Variants in CENPW observed in about 807,000 individuals in gnomAD.
CENPW encodes cancer-up-regulated gene 2 protein.
In CENPW, 3 loss-of-function variants were observed where a neutral mutation model predicts 11.1. The ratio of observed to expected loss-of-function variants is 0.27; its 90% CI spans 0.12 to 0.70. The LOEUF (loss-of-function observed/expected upper bound fraction) is 0.70, where lower values mean the gene tolerates loss of function less well. Among genes scored for constraint, CENPW ranks in the 30% least tolerant of loss-of-function variants. CENPW has a pLI of 0.77. For synonymous variants in CENPW, 38 were observed against 42.0 expected (o/e 0.91, Z 0.37); for missense variants, 100 against 105.6 (o/e 0.95, Z 0.23).
chr6:126,357,445 A>G, the CENPW span, among the ~76,000 whole-genome samples: 1 of 151,908 alleles, frequency 6.6e-6, no homozygotes, highest in African/African-American at 2.4e-5. Flanking sequence ...TTTTTTTCTA[A>G]TTCTGTGAAA....
the CENPW span, among the ~76,000 whole-genome samples, chr6:126,396,897 T>A: frequency 1.3e-5 from 2 of 151,976 alleles, no homozygotes; most frequent in South Asian, 4.1e-4. Flanking sequence ...TCTGGTCCCC[T>A]ATTATATTGT....
At chr6:126,403,102 A>G in the CENPW span, among the ~76,000 whole-genome samples, 1 of 152,122 alleles carries the variant, frequency 6.6e-6, no homozygotes, top group African/African-American at 2.4e-5. Context: ...CCCATACAAG[A>G]TGACAAATTT....
chr6:126,482,250 A>C, the CENPW span, among the ~76,000 whole-genome samples: 3 of 152,196 alleles, frequency 2.0e-5, no homozygotes, highest in South Asian at 6.2e-4. Context: ...TCTGCTTAAT[A>C]AAATATGTTC....
At chr6:126,437,622 A>G in the CENPW span, among the ~76,000 whole-genome samples, 3 of 151,938 alleles carry the variant, frequency 2.0e-5, no homozygotes, top group African/African-American at 7.2e-5. Context: ...ATACTTTAAG[A>G]AAGTGCTTTT....
At chr6:126,414,824 A>G in the CENPW span, among the ~76,000 whole-genome samples, 5 of 151,858 alleles carry the variant, frequency 3.3e-5, no homozygotes. Flanking sequence ...AGAAAATGAA[A>G]AGTTGGCTTT....
At chr6:126,481,560 C>A in the CENPW span, among the ~76,000 whole-genome samples, 40 of 152,086 alleles carry the variant, frequency 2.6e-4, 2 homozygotes, top group Admixed American at 2.2e-3. Flanking sequence ...TATCAGCAAC[C>A]CCCTCCAGCA....
the CENPW span, among the ~76,000 whole-genome samples, chr6:126,429,222 A>G: frequency 6.6e-6 from 1 of 152,128 alleles, no homozygotes; most frequent in Non-Finnish European, 1.5e-5. Flanking sequence ...CTATCTTTCC[A>G]CACCCTTGCT....
At chr6:126,365,563 G>A in the CENPW span, among the ~76,000 whole-genome samples, 26 of 152,172 alleles carry the variant, frequency 1.7e-4, no homozygotes, top group South Asian at 8.3e-4. Context: ...CCTCTGAACC[G>A]ATCACCTTCC....
At chr6:126,383,406 C>G in the CENPW span, among the ~76,000 whole-genome samples, 2 of 152,110 alleles carry the variant, frequency 1.3e-5, no homozygotes, top group South Asian at 4.1e-4. Context: ...ATGACAGGAT[C>G]AAATCCACAC....
the CENPW span, among the ~76,000 whole-genome samples, chr6:126,381,822 A>G: frequency 6.6e-6 from 1 of 152,182 alleles, no homozygotes; most frequent in Admixed American, 6.5e-5. Context: ...GAGTCAGAGC[A>G]CAAAACCAGG....
At chr6:126,475,909 T>G in the CENPW span, among the ~76,000 whole-genome samples, 9 of 152,032 alleles carry the variant, frequency 5.9e-5, no homozygotes, top group Non-Finnish European at 1.2e-4. Context: ...ATTATCGAGT[T>G]GCCACTAACG....
At chr6:126,350,149 G>A (rs964612671), downstream of CENPW, among the ~76,000 whole-genome samples, 1 of 152,098 alleles carries the variant, frequency 6.6e-6, no homozygotes, top group Non-Finnish European at 1.5e-5. Context: ...CAAATATTTG[G>A]TAATGTTACT....
the CENPW span, among the ~76,000 whole-genome samples, chr6:126,454,580 A>G: frequency 2.0e-5 from 3 of 151,320 alleles, no homozygotes; most frequent in African/African-American, 7.3e-5. Flanking sequence ...CAACATTAAG[A>G]GGAAAGTTTG....
At chr6:126,350,022 C>T (rs1780472972), downstream of CENPW, among the ~76,000 whole-genome samples, 2 of 151,884 alleles carry the variant, frequency 1.3e-5, no homozygotes, top group African/African-American at 2.4e-5. Context: ...CTGCTGTGTT[C>T]GGTTGGCTCA....
At chr6:126,381,663 A>G in the CENPW span, among the ~76,000 whole-genome samples, 2,051 of 152,164 alleles carry the variant, frequency 0.013, 49 homozygotes, top group African/African-American at 0.046. Flanking sequence ...ACCTTGCCGC[A>G]CTGCTGCTGC....
At chr6:126,406,647 T>A in the CENPW span, among the ~76,000 whole-genome samples, 2 of 151,214 alleles carry the variant, frequency 1.3e-5, no homozygotes, top group Non-Finnish European at 2.9e-5. Context: ...AGGTCAGGAG[T>A]TCAAGACCAG....
At chr6:126,376,410 T>C in the CENPW span, among the ~76,000 whole-genome samples, 2 of 152,120 alleles carry the variant, frequency 1.3e-5, no homozygotes, top group Admixed American at 1.3e-4. Flanking sequence ...ATTCCAACTC[T>C]CTCTAGTCTT....
the CENPW span, among the ~76,000 whole-genome samples, chr6:126,390,472 T>C: frequency 6.6e-6 from 1 of 151,794 alleles, no homozygotes; most frequent in Non-Finnish European, 1.5e-5. Flanking sequence ...TACAAACTAA[T>C]TACACTCTTT....
At chr6:126,426,252 T>C in the CENPW span, among the ~76,000 whole-genome samples, 40 of 152,222 alleles carry the variant, frequency 2.6e-4, no homozygotes, top group Non-Finnish European at 3.4e-4. Context: ...AACAACCAAG[T>C]AGGAAAATGG....
Sources: gnomAD v4.1 joint callset for allele counts (sites outside exome capture counted in the v4.1 genomes callset) on GRCh38, gnomAD v4.1.1 for gene constraint, MANE v1.5 for transcripts, NCBI Gene and HGNC (gene_info 2026-07-23, HGNC 2026-07-21) for gene names.